The following IL17REL variants were observed in gnomAD, a reference collection of about 807,000 sequenced individuals.
IL17REL encodes interleukin 17 receptor E like.
IL17REL carries 36 observed loss-of-function variants against 49.0 expected under a neutral mutation model. The observed-to-expected ratio is 0.73, with a 90% CI of 0.56 to 0.97. The LOEUF (loss-of-function observed/expected upper bound fraction) is 0.97. Ranked by LOEUF, IL17REL falls within the 50% of genes least tolerant of loss-of-function variation. The pLI, the probability that IL17REL is intolerant of heterozygous loss-of-function variation, is 0.00. For missense variants in IL17REL, 470 were observed against 453.9 expected (o/e 1.04, Z -0.32); for synonymous variants, 206 against 192.4 (o/e 1.07, Z -0.58).
At chr22:49,994,577 C>A (rs1038813268) in exon 13 of IL17REL, 26 of 152,344 alleles carry the variant, frequency 1.7e-4, no homozygotes, top group African/African-American at 6.3e-4. Context: ...GCTCTGCAGC[C>A]CCCTCTCCAG....
At position 49,997,514 on chromosome 22, in the gene IL17REL, C is replaced by G. The variant is rs936442057; in HGVS notation, c.878-98G>C. The G allele has an allele frequency of 8.0e-6, 11 of 1,367,576 alleles. No homozygotes were observed. In the African/African-American group the frequency reaches 1.6e-4, roughly 20 times the overall value. 84.7% of individuals were successfully genotyped at this position (1,367,576 alleles called of 1,614,324 possible). The stretch of plus-strand genomic sequence containing the variant: ...GGGAGTGAAGGGTGAGACCCCCATC[C>G]GGCCCAGCACCCCACCGCCTCCCTT... On this transcript the variant is annotated intron_variant, in intron 10 of 12. Coordinates refer to ENST00000341280, the Ensembl canonical transcript of IL17REL.
intron 11 of IL17REL, 91 bp downstream of exon 13, chr22:49,997,229 G>C: frequency 1.4e-6 from 2 of 1,449,220 alleles, no homozygotes; most frequent in East Asian, 4.8e-5. Flanking sequence ...CTCAGGGCCC[G>C]GGTGGGGCAG....
At chr22:50,011,585 C>T (rs891952022), upstream of IL17REL, among the ~76,000 whole-genome samples, 11 of 152,120 alleles carry the variant, frequency 7.2e-5, no homozygotes, top group African/African-American at 2.2e-4. Context: ...CAGGCCTGCC[C>T]CCTCCCTGTT....
At chr22:50,000,789 C>T (rs760979147) in exon 3 of IL17REL, 2 of 1,599,268 alleles carry the variant, frequency 1.3e-6, no homozygotes, top group South Asian at 1.1e-5. Flanking sequence ...GAGGCCCTGG[C>T]CACCCACACG....
Position 50,000,856 on chromosome 22 carries a change from C to T in IL17REL, c.117G>A (p.Leu39=), listed in dbSNP as rs747442163. The T allele has an allele frequency of 3.8e-6, 6 of 1,563,550 alleles. No homozygotes were observed. In the East Asian group the frequency reaches 7.1e-5, roughly 18 times the overall value. Reference sequence around the variant, plus strand: ...TCATGGCACAGGCCTCCAGGCCCCGCAGGCGCTCTGGGTGGAGGAAGGACC... The same window carrying T: ...TCATGGCACAGGCCTCCAGGCCCCGTAGGCGCTCTGGGTGGAGGAAGGACC... The change falls in exon 3 of 13, where the codon CTG becomes CTA. Residue 39 remains leucine (L), a synonymous_variant. Transcript: ENST00000341280.
At chr22:50,004,489 C>G (rs1342253704) in intron 1 of IL17REL, among the ~76,000 whole-genome samples, 2 of 152,116 alleles carry the variant, frequency 1.3e-5, no homozygotes, top group Admixed American at 1.3e-4. Flanking sequence ...GTGTTTCCTT[C>G]CCTTGGAGCA....
chr22:49,996,892 C>A (rs1186332684), intron 12 of IL17REL, 32 bp from the exon 15 acceptor site: 2 of 634,650 alleles, frequency 3.2e-6, no homozygotes, highest in Non-Finnish European at 5.5e-6. Flanking sequence ...GTCAACATGG[C>A]CTCCTGCTTC....
At chr22:49,993,183 GTTGT>G (rs2061014595), downstream of IL17REL, among the ~76,000 whole-genome samples, 1 of 152,224 alleles carries the variant, frequency 6.6e-6, no homozygotes, top group Admixed American at 6.5e-5. This position sits in a 1 kb window ranked among gnomAD's most constrained non-coding sequence, Gnocchi z 6.0. Context: ...CTTTGCCAGT[GTTGT>G]TTGTTCCCGG....
exon 3 of IL17REL, chr22:50,000,770 T>A: frequency 6.3e-7 from 1 of 1,593,634 alleles, no homozygotes; most frequent in Non-Finnish European, 8.5e-7. Context: ...CCCCCCCTGC[T>A]GCCGGTGGGA....
intron 5 of IL17REL, 89 bp from the exon 8 acceptor site, chr22:49,999,591 C>A (rs1601886990): frequency 2.3e-6 from 1 of 442,892 alleles, no homozygotes; most frequent in Non-Finnish European, 3.6e-6. Flanking sequence ...GGGGCGGGAG[C>A]GGGGACGGGA....
intron 1 of IL17REL, 46 bp from the exon 3 acceptor site, chr22:50,001,277 G>C (rs139138549): frequency 4.8e-6 from 4 of 832,832 alleles, no homozygotes; most frequent in African/African-American, 3.4e-5. Flanking sequence ...CCTGGTGCTC[G>C]GAAAGGCTTT....
Position 50,001,409 on chromosome 22 carries a change from C to T in IL17REL, c.-41-178G>A, listed in dbSNP as rs538771121. On this transcript the variant is annotated intron_variant, in intron 1 of 12. Coordinates refer to ENST00000341280, the Ensembl canonical transcript of IL17REL. ...CCTGGCATGTGGTGAGCCCCCACCCCGAGACACACTCCAAAATGTCTGTGG... is the reference window on the plus strand; with the variant it reads ...CCTGGCATGTGGTGAGCCCCCACCCTGAGACACACTCCAAAATGTCTGTGG... Among the ~76,000 whole-genome samples the T allele has an allele frequency of 2.6e-5, 4 of 152,274 alleles. No individual in the cohort carries two copies. In the East Asian group the frequency reaches 7.7e-4, roughly 29 times the overall value.
intron 5 of IL17REL, 124 bp downstream of exon 7, chr22:49,999,704 C>T: frequency 2.7e-6 from 1 of 364,130 alleles, no homozygotes; most frequent in Admixed American, 2.4e-4. Flanking sequence ...CTAGGCCTGG[C>T]CGGGGGCGGG....
At chr22:50,011,949 A>T (rs921551056), upstream of IL17REL, among the ~76,000 whole-genome samples, 2 of 152,154 alleles carry the variant, frequency 1.3e-5, no homozygotes, top group Non-Finnish European at 2.9e-5. Flanking sequence ...CCTTTCCGGG[A>T]CACCTTCTGT....
intron 9 of IL17REL, 95 bp downstream of exon 11, chr22:49,997,930 C>A (rs111690332): frequency 1.4e-5 from 22 of 1,525,722 alleles, no homozygotes; most frequent in African/African-American, 1.2e-4. Context: ...AGGCTAGGCT[C>A]CAGGGCTGGG....
At chr22:50,001,189 A>G (rs756492259) in exon 2 of IL17REL, 76 of 1,592,364 alleles carry the variant, frequency 4.8e-5, no homozygotes, top group Admixed American at 3.6e-4. Context: ...TGACCTGGAC[A>G]TGGACACGGG....
At chr22:50,011,432 C>T (rs1485623025), upstream of IL17REL, among the ~76,000 whole-genome samples, 1 of 152,004 alleles carries the variant, frequency 6.6e-6, no homozygotes, top group Non-Finnish European at 1.5e-5. Flanking sequence ...ACCCCGCAGC[C>T]GCCTCAGCAA....
intron 11 of IL17REL, 76 bp downstream of exon 13, chr22:49,997,244 C>T (rs1601884530): frequency 1.3e-6 from 2 of 1,502,672 alleles, no homozygotes; most frequent in Non-Finnish European, 1.8e-6. Context: ...GGGCAGAGAC[C>T]ACCACAGGGA....
At chr22:49,997,787 G>C (rs1306157876) in intron 9 of IL17REL, 45 bp from the exon 12 acceptor site, 1 of 1,585,344 alleles carries the variant, frequency 6.3e-7, no homozygotes, top group East Asian at 2.2e-5. Context: ...GTGTGTGTGA[G>C]GCAGGGGCAG....
Sources: allele counts gnomAD v4.1 joint callset (sites outside exome capture counted in the v4.1 genomes callset), GRCh38; gene constraint gnomAD v4.1.1; non-coding constraint Gnocchi (gnomAD v3.1); transcripts MANE v1.5; gene names NCBI Gene and HGNC (gene_info 2026-07-23, HGNC 2026-07-21).